POU2AF2: variants seen among roughly 807,000 people sequenced by gnomAD.
The protein encoded by POU2AF2 is POU class 2 homeobox associating factor 2, also known as POU domain class 2-associating factor 2.
the POU2AF2 span, among the ~76,000 whole-genome samples, chr11:111,257,325 AC>A: frequency 1.3e-5 from 2 of 149,344 alleles, no homozygotes. Flanking sequence ...ATTTCCTCCC[AC>A]CCAAGAACAC....
chr11:111,252,547 G>A, the POU2AF2 span, among the ~76,000 whole-genome samples: 1 of 151,670 alleles, frequency 6.6e-6, no homozygotes, highest in South Asian at 2.1e-4. Flanking sequence ...TGCTTGATGT[G>A]CACTAGAGCG....
chr11:111,262,284 G>A, the POU2AF2 span, among the ~76,000 whole-genome samples: 1 of 152,206 alleles, frequency 6.6e-6, no homozygotes, highest in Non-Finnish European at 1.5e-5. Context: ...ACCATTCGGT[G>A]TGTTTATGAC....
the POU2AF2 span, among the ~76,000 whole-genome samples, chr11:111,257,214 G>C: frequency 2.6e-5 from 4 of 152,200 alleles, no homozygotes; most frequent in Non-Finnish European, 5.9e-5. Context: ...CTGATACGCA[G>C]CAGGTACTGG....
the POU2AF2 span, among the ~76,000 whole-genome samples, chr11:111,275,333 T>A: frequency 6.6e-6 from 1 of 152,134 alleles, no homozygotes; most frequent in Non-Finnish European, 1.5e-5. Context: ...GAAGTTGGCA[T>A]GGGAGATTGA....
chr11:111,256,099 C>A, the POU2AF2 span: 3 of 398,884 alleles, frequency 7.5e-6, no homozygotes, highest in African/African-American at 4.1e-5. Context: ...TAATGTAAGT[C>A]CCAATTTAAT....
chr11:111,273,771 G>A, the POU2AF2 span, among the ~76,000 whole-genome samples: 1 of 152,046 alleles, frequency 6.6e-6, no homozygotes, highest in Non-Finnish European at 1.5e-5. Flanking sequence ...TACTACCTTG[G>A]TGACCTATTA....
At chr11:111,282,429 T>C in the POU2AF2 span, among the ~76,000 whole-genome samples, 3 of 152,228 alleles carry the variant, frequency 2.0e-5, no homozygotes, top group African/African-American at 7.2e-5. Flanking sequence ...TTAGAAGTTA[T>C]AGAATGTAAG....
At chr11:111,247,665 T>C in the POU2AF2 span, among the ~76,000 whole-genome samples, 1 of 151,138 alleles carries the variant, frequency 6.6e-6, no homozygotes. Flanking sequence ...CGGGCGCCTA[T>C]AGTACCAGCT....
the POU2AF2 span, among the ~76,000 whole-genome samples, chr11:111,277,768 GACAGCT>G: frequency 2.0e-5 from 3 of 152,176 alleles, no homozygotes; most frequent in Non-Finnish European, 4.4e-5. Flanking sequence ...CGGCACCCAG[GACAGCT>G]ACCACCCCCT....
the POU2AF2 span, chr11:111,281,449 T>C: frequency 6.2e-7 from 1 of 1,613,390 alleles, no homozygotes; most frequent in Non-Finnish European, 8.5e-7. Flanking sequence ...AGGTGAGTAC[T>C]TTAATTCAAT....
At chr11:111,286,098 G>A in the POU2AF2 span, 1 of 1,590,058 alleles carries the variant, frequency 6.3e-7, no homozygotes, top group Non-Finnish European at 8.5e-7. Context: ...AACTTGAGGT[G>A]TATTCCAAAG....
At chr11:111,258,938 G>A in the POU2AF2 span, among the ~76,000 whole-genome samples, 3 of 152,138 alleles carry the variant, frequency 2.0e-5, no homozygotes, top group East Asian at 3.8e-4. Flanking sequence ...GTCTTTTATG[G>A]AGAAAGTGGA....
chr11:111,252,505 G>A, the POU2AF2 span, among the ~76,000 whole-genome samples: 1 of 151,784 alleles, frequency 6.6e-6, no homozygotes, highest in Non-Finnish European at 1.5e-5. Context: ...GCCTGGTTCT[G>A]CCCAGTTTTG....
chr11:111,276,352 C>T, the POU2AF2 span, among the ~76,000 whole-genome samples: 3 of 149,832 alleles, frequency 2.0e-5, no homozygotes, highest in East Asian at 5.9e-4. Context: ...AATCCCAGCA[C>T]TTTGGGAGGC....
chr11:111,261,350 A>G, the POU2AF2 span, among the ~76,000 whole-genome samples: 2 of 152,158 alleles, frequency 1.3e-5, no homozygotes, highest in East Asian at 3.8e-4. Context: ...TGAGTTCTAT[A>G]AAAGCTAAAC....
the POU2AF2 span, among the ~76,000 whole-genome samples, chr11:111,260,992 A>G: frequency 6.6e-6 from 1 of 152,184 alleles, no homozygotes; most frequent in Non-Finnish European, 1.5e-5. Flanking sequence ...TTTTGATACC[A>G]TGAAATGTTT....
At chr11:111,246,336 A>G in the POU2AF2 span, among the ~76,000 whole-genome samples, 2 of 152,174 alleles carry the variant, frequency 1.3e-5, no homozygotes, top group Admixed American at 1.3e-4. Context: ...AGGTCATTCT[A>G]TTTACATATG....
chr11:111,254,861 C>T, the POU2AF2 span, among the ~76,000 whole-genome samples: 2 of 152,194 alleles, frequency 1.3e-5, no homozygotes, highest in Non-Finnish European at 2.9e-5. Flanking sequence ...GGTAAGCCAG[C>T]AACACCTCAA....
chr11:111,275,781 TG>T, the POU2AF2 span, among the ~76,000 whole-genome samples: 27 of 152,270 alleles, frequency 1.8e-4, no homozygotes, highest in African/African-American at 5.8e-4. Context: ...AACAAGAGGC[TG>T]TCAAAATTTA....
Sources: gnomAD v4.1 joint callset for allele counts (sites outside exome capture counted in the v4.1 genomes callset) on GRCh38, gnomAD v4.1.1 for gene constraint, MANE v1.5 for transcripts, NCBI Gene and HGNC (gene_info 2026-07-23, HGNC 2026-07-21) for gene names.